Variants in MAP2K1 observed in about 807,000 individuals in gnomAD.
The protein encoded by MAP2K1 is mitogen-activated protein kinase kinase 1, also known as dual specificity mitogen-activated protein kinase kinase 1.
Under a neutral mutation model 46.3 loss-of-function variants are expected in MAP2K1, and 16 were observed. The observed-to-expected ratio is 0.35, with a 90% CI of 0.23 to 0.52. MAP2K1 has a LOEUF of 0.52. MAP2K1 is among the 20% of genes least tolerant of loss of function. MAP2K1 has a pLI of 0.94. For synonymous variants in MAP2K1, 183 were observed against 185.6 expected (o/e 0.99, Z 0.11); for missense variants, 263 against 497.1 (o/e 0.53, Z 4.48).
intron 1 of MAP2K1, among the ~76,000 whole-genome samples, chr15:66,397,792 A>G (rs2093371738): frequency 6.6e-6 from 1 of 152,092 alleles, no homozygotes; most frequent in African/African-American, 2.4e-5. Flanking sequence ...CTCTAAGACA[A>G]CTGACCTAGT....
At chr15:66,468,278 TC>T (rs999000281) in intron 5 of MAP2K1, among the ~76,000 whole-genome samples, 1 of 151,718 alleles carries the variant, frequency 6.6e-6, no homozygotes, top group Non-Finnish European at 1.5e-5. Context: ...CCTTTTTTTT[TC>T]CCCCCTTCTG....
chr15:66,413,376 C>CA (rs763588329), intron 1 of MAP2K1, among the ~76,000 whole-genome samples: 2 of 152,116 alleles, frequency 1.3e-5, no homozygotes, highest in Non-Finnish European at 2.9e-5. Flanking sequence ...AGCATTAAAG[C>CA]AAAACAAAAA....
chr15:66,415,857 C>T (rs953366053), intron 1 of MAP2K1, among the ~76,000 whole-genome samples: 1 of 152,094 alleles, frequency 6.6e-6, no homozygotes, highest in Non-Finnish European at 1.5e-5. Flanking sequence ...GAGTAGTTAT[C>T]TGAGGGAAGG....
At chr15:66,427,467 G>A (rs2093462141) in intron 1 of MAP2K1, among the ~76,000 whole-genome samples, 1 of 151,888 alleles carries the variant, frequency 6.6e-6, no homozygotes, top group Non-Finnish European at 1.5e-5. Flanking sequence ...GCTGAGGCAG[G>A]AGAATTGTGT....
intron 1 of MAP2K1, among the ~76,000 whole-genome samples, chr15:66,433,002 T>TGTGTGTG (rs1567008282): frequency 4.7e-5 from 1 of 21,270 alleles, no homozygotes; most frequent in Non-Finnish European, 1.7e-4. Flanking sequence ...GTGTGTGTGT[T>TGTGTGTG]GACAGCTTTT....
intron 5 of MAP2K1, among the ~76,000 whole-genome samples, chr15:66,463,367 T>C (rs1427629593): frequency 6.6e-6 from 1 of 152,236 alleles, no homozygotes; most frequent in African/African-American, 2.4e-5. Context: ...CCCAAATATC[T>C]GAGACTACTC....
chr15:66,404,631 G>C (rs2093391575), intron 1 of MAP2K1, among the ~76,000 whole-genome samples: 1 of 152,212 alleles, frequency 6.6e-6, no homozygotes, highest in Non-Finnish European at 1.5e-5. Flanking sequence ...TTTATTAGGG[G>C]AAGTCAAGGG....
At chr15:66,426,330 A>G (rs993048948) in intron 1 of MAP2K1, among the ~76,000 whole-genome samples, 1 of 149,068 alleles carries the variant, frequency 6.7e-6, no homozygotes, top group Non-Finnish European at 1.5e-5. Flanking sequence ...TTCCAACTTC[A>G]TAGCCTTCAT....
chr15:66,448,930 G>A (rs1020866135), intron 5 of MAP2K1, among the ~76,000 whole-genome samples: 13 of 148,812 alleles, frequency 8.7e-5, no homozygotes, highest in Admixed American at 8.1e-4. Flanking sequence ...CTTGAACCTG[G>A]GAGGCAGAAG....
chr15:66,436,011 C>T (rs1346017001), intron 2 of MAP2K1, among the ~76,000 whole-genome samples: 1 of 152,196 alleles, frequency 6.6e-6, no homozygotes, highest in African/African-American at 2.4e-5. Context: ...GCCCCTTGCT[C>T]CAGAGAGGTT....
intron 1 of MAP2K1, among the ~76,000 whole-genome samples, chr15:66,412,264 C>A (rs2093413194): frequency 6.6e-6 from 1 of 152,170 alleles, no homozygotes; most frequent in Admixed American, 6.5e-5. Flanking sequence ...TGTGGAAACA[C>A]CTCTGCGTTT....
rs755707394 is a variant in MAP2K1 at position 66,443,280 on chromosome 15, G to C, written c.439G>C (p.Asp147His). Residue 147 changes from aspartate (D) to histidine (H), a missense_variant and splice_region_variant, in exon 4 of 11, where the codon GAT (aspartate) becomes CAT (histidine). Physicochemically the swap from Asp to His is moderately conservative, Grantham distance 81. Coordinates refer to ENST00000307102, the MANE Select transcript of MAP2K1 (RefSeq NM_002755.4). ...GEISICMEHMDGGSLDQVLKK... is the reference protein window; with the variant it reads ...GEISICMEHMHGGSLDQVLKK... ...ACTGGTCTGGTATTCTCGATCTTAG[G>C]ATGGAGGTTCTCTGGATCAAGTCCT... 3 of 1,602,680 alleles carry C rather than the reference G, an allele frequency of 1.9e-6. No individual in the cohort carries two copies. Among genetic ancestry groups the C allele is most frequent in the East Asian group, 2.2e-5 (1 of 44,814 alleles).
chr15:66,401,649 G>A (rs1332110411), intron 1 of MAP2K1, among the ~76,000 whole-genome samples: 1 of 152,144 alleles, frequency 6.6e-6, no homozygotes, highest in Non-Finnish European at 1.5e-5. Flanking sequence ...AACAATGGCT[G>A]CAGAGTAAGA....
chr15:66,444,403 C>T lies in MAP2K1; in HGVS notation c.517-253C>T, dbSNP rs6494574. ...ACAAAATTAGCCGGGGGTGGTAGCG[C>T]ATGCCCGTAATCCCAGCTACTCAGG... On this transcript the variant is annotated intron_variant, in intron 4 of 10. Coordinates refer to ENST00000307102, the MANE Select transcript of MAP2K1 (RefSeq NM_002755.4). 0.31 allele frequency among the ~76,000 whole-genome samples: 46,205 copies of T among 151,468 alleles called. 7,456 individuals carry two copies. The highest frequency in any genetic ancestry group is 0.39 in the Admixed American group (5,945 of 15,202).
intron 1 of MAP2K1, among the ~76,000 whole-genome samples, chr15:66,403,943 A>G (rs578044939): frequency 6.6e-6 from 1 of 152,304 alleles, no homozygotes; most frequent in East Asian, 1.9e-4. Context: ...AAGAATTCCA[A>G]GCTCACTGTA....
At chr15:66,441,030 A>T (rs1055447614) in intron 3 of MAP2K1, among the ~76,000 whole-genome samples, 5 of 152,154 alleles carry the variant, frequency 3.3e-5, no homozygotes, top group Non-Finnish European at 2.9e-5. Context: ...TGGCATGATC[A>T]TAGGTCACTA....
At chr15:66,396,458 C>G (rs941353433) in intron 1 of MAP2K1, among the ~76,000 whole-genome samples, 1 of 151,718 alleles carries the variant, frequency 6.6e-6, no homozygotes, top group African/African-American at 2.4e-5. Context: ...TTAGTAGAGA[C>G]AGGATTTCAC....
intron 6 of MAP2K1, 69 bp from the exon 7 acceptor site, chr15:66,484,921 G>A (rs1276225280): frequency 7.8e-7 from 1 of 1,284,616 alleles, no homozygotes; most frequent in African/African-American, 1.5e-5. Flanking sequence ...GGACAGAAGA[G>A]AAAATGCATT....
intron 10 of MAP2K1, chr15:66,490,250 C>A: frequency 1.6e-6 from 1 of 622,934 alleles, no homozygotes; most frequent in Non-Finnish European, 2.9e-6. Context: ...GCATTTAAGG[C>A]AGAGTTACTG....
Sources: gnomAD v4.1 joint callset for allele counts (sites outside exome capture counted in the v4.1 genomes callset) on GRCh38, gnomAD v4.1.1 for gene constraint, MANE v1.5 for transcripts, NCBI Gene and HGNC (gene_info 2026-07-23, HGNC 2026-07-21) for gene names.